FUNDC2: variants seen among roughly 807,000 people sequenced by gnomAD.
FUNDC2 encodes FUN14 domain-containing protein 2.
Under a neutral mutation model 15.6 loss-of-function variants are expected in FUNDC2, and 4 were observed. The observed-to-expected ratio is 0.26, with a 90% confidence interval of 0.13 to 0.59. The LOEUF (loss-of-function observed/expected upper bound fraction) is 0.59. Ranked by LOEUF, FUNDC2 falls within the 20% of genes least tolerant of loss-of-function variation. The pLI, the probability that FUNDC2 is intolerant of heterozygous loss-of-function variation, is 0.90. For synonymous variants in FUNDC2, 44 were observed against 56.9 expected (o/e 0.77, Z 1.02); for missense variants, 98 against 149.7 (o/e 0.65, Z 1.80).
intron 2 of FUNDC2, among the ~76,000 whole-genome samples, chrX:155,045,270 G>C (rs1339912374): frequency 8.9e-6 from 1 of 111,789 alleles, no homozygotes; most frequent in African/African-American, 3.3e-5. Flanking sequence ...GGAGCAAGTC[G>C]AGAGATCCAA....
At chrX:155,040,159 G>A (rs1230795263) in intron 2 of FUNDC2, among the ~76,000 whole-genome samples, 2 of 111,517 alleles carry the variant, frequency 1.8e-5, no homozygotes, top group Admixed American at 1.9e-4. Context: ...GTATTTAATC[G>A]TACATATATA....
intron 2 of FUNDC2, among the ~76,000 whole-genome samples, chrX:155,041,019 G>A (rs1280739229): frequency 1.8e-5 from 2 of 111,780 alleles, no homozygotes; most frequent in Non-Finnish European, 3.8e-5. Flanking sequence ...TTTTGATGAA[G>A]TCCAATTTAT....
chrX:155,032,009 CTT>C (rs781974695), intron 1 of FUNDC2, among the ~76,000 whole-genome samples: 11 of 106,584 alleles, frequency 1.0e-4, no homozygotes, highest in African/African-American at 3.8e-4. Flanking sequence ...GAGTTTCACT[CTT>C]GTTGCCCAGG....
At chrX:155,054,516 C>A in intron 4 of FUNDC2, 79 bp from the exon 5 acceptor site, 2 of 1,189,525 alleles carry the variant, frequency 1.7e-6, no homozygotes, top group Non-Finnish European at 2.3e-6. Context: ...TTAAGACTGG[C>A]ATAGGTATAA....
At chrX:155,032,262 C>T (rs1557288810) in intron 1 of FUNDC2, among the ~76,000 whole-genome samples, 1 of 107,855 alleles carries the variant, frequency 9.3e-6, no homozygotes, top group African/African-American at 3.4e-5. Flanking sequence ...AGGCGTGAGC[C>T]ACCACGCCTG....
At position 155,030,871 on chromosome X, in the gene FUNDC2, G is replaced by C. The variant is rs781934783; in HGVS notation, c.134-2532G>C. 7.5e-3 allele frequency among the ~76,000 whole-genome samples: 818 copies of C among 109,268 alleles called. 10 individuals carry two copies. The highest frequency in any genetic ancestry group is 0.025 in the African/African-American group (748 of 30,010). 94.9% of individuals were successfully genotyped at this position (109,268 alleles called of 115,157 possible). ...CGGCTAATTTTTGGTATTTTTAGTA[G>C]AGACGGGGTTTTACCATGTTGGCCA... On this transcript the variant is annotated intron_variant, in intron 1 of 4. Transcript: ENST00000369498.
In FUNDC2 at chrX:155,026,925, C is replaced by T; in HGVS notation, c.-14C>T. 3 of 1,180,544 alleles carry T rather than the reference C, an allele frequency of 2.5e-6. No individual in the cohort carries two copies. The highest frequency in any genetic ancestry group is 3.4e-6 in the Non-Finnish European group (3 of 882,109). Reference sequence around the variant, plus strand: ...GGCGCGCCCGGCCCTCCCTCTTCCGCTGCCGCCGTGGGAATGGAAACATCT... The same window carrying T: ...GGCGCGCCCGGCCCTCCCTCTTCCGTTGCCGCCGTGGGAATGGAAACATCT... On this transcript the variant is annotated 5_prime_UTR_variant, in exon 1 of 5. Transcript: ENST00000369498.
intron 2 of FUNDC2, among the ~76,000 whole-genome samples, chrX:155,044,657 T>C (rs908856226): frequency 2.7e-5 from 3 of 111,948 alleles, no homozygotes; most frequent in Non-Finnish European, 3.8e-5. Context: ...AAAAGCACAA[T>C]GAGATATCAA....
Position 155,055,875 on chromosome X carries a change from A to G in FUNDC2, c.*1203A>G, listed in dbSNP as rs1603439090. ...CTCAGAATTGTTAATCTTGGAGATG[A>G]TCTCTTGTGAAATATGAGTGTGTTT... On this transcript the variant is annotated 3_prime_UTR_variant, in exon 5 of 5. Coordinates refer to ENST00000369498, the MANE Select transcript of FUNDC2 (RefSeq NM_023934.4). 1 of 112,222 alleles carries G rather than the reference A, an allele frequency of 8.9e-6. No individual in the cohort carries two copies. Among genetic ancestry groups the G allele is most frequent in the African/African-American group, 3.2e-5 (1 of 30,874 alleles). 9.2% of individuals were successfully genotyped at this position (112,222 alleles called of 1,213,427 possible). A position where few individuals can be genotyped will look rare whatever the true frequency, so the allele number is the denominator to read the frequency against.
Position 155,058,403 on chromosome X carries a change from G to C in FUNDC2, c.*3731G>C, listed in dbSNP as rs149078749. ...AAAGATGGGCATAACTAATGGTTGG[G>C]CTCTTATTTGGAACCTCTACTTTTG... On this transcript the variant is annotated 3_prime_UTR_variant, in exon 5 of 5. Coordinates refer to ENST00000369498, the MANE Select transcript of FUNDC2 (RefSeq NM_023934.4). 1 of 111,435 alleles carries C rather than the reference G, an allele frequency of 9.0e-6. No individual in the cohort carries two copies. The highest frequency in any genetic ancestry group is 1.9e-5 in the Non-Finnish European group (1 of 53,083). The allele number at this position is 111,435 out of a possible 1,213,427, so 9.2% of individuals were successfully genotyped here.
At position 155,059,289 on chromosome X, in the gene FUNDC2, G is replaced by T. The variant is rs1014215732; in HGVS notation, c.*4617G>T. The T allele has an allele frequency of 6.2e-5, 7 of 112,218 alleles. No homozygotes were observed. Among genetic ancestry groups the T allele is most frequent in the African/African-American group, 2.3e-4 (7 of 30,832 alleles). 9.2% of individuals were successfully genotyped at this position (112,218 alleles called of 1,213,427 possible). A position where few individuals can be genotyped will look rare whatever the true frequency, so the allele number is the denominator to read the frequency against. ...TAGTTCATTAAATGTCTTAGGAATCGTGTGGAGTGAATGCAAGGAAAGGAG... is the reference window on the plus strand; with the variant it reads ...TAGTTCATTAAATGTCTTAGGAATCTTGTGGAGTGAATGCAAGGAAAGGAG... On this transcript the variant is annotated 3_prime_UTR_variant, in exon 5 of 5. Transcript: ENST00000369498.
chrX:155,036,234 G>A (rs1023496612), intron 2 of FUNDC2, among the ~76,000 whole-genome samples: 2 of 112,078 alleles, frequency 1.8e-5, no homozygotes, highest in African/African-American at 6.5e-5. Context: ...TCTCATTGTG[G>A]TTTGAATTTG....
Position 155,058,855 on chromosome X carries a change from CA to C in FUNDC2, c.*4184del, listed in dbSNP as rs1205546623. 9.0e-6 allele frequency: 1 copy of C among 110,735 alleles called. No individual in the cohort carries two copies. The highest frequency in any genetic ancestry group is 1.9e-5 in the Non-Finnish European group (1 of 52,890). 9.1% of individuals were successfully genotyped at this position (110,735 alleles called of 1,213,427 possible). A position where few individuals can be genotyped will look rare whatever the true frequency, so the allele number is the denominator to read the frequency against. Reference sequence around the variant, plus strand: ...TTAAAAGAAAAGTGTCGCACTTTTTCACATTTTTATAAAGCTTTAAAGTCAG... The same window carrying C: ...TTAAAAGAAAAGTGTCGCACTTTTTCCATTTTTATAAAGCTTTAAAGTCAG... On this transcript the variant is annotated 3_prime_UTR_variant, in exon 5 of 5. Coordinates refer to ENST00000369498, the MANE Select transcript of FUNDC2 (RefSeq NM_023934.4).
chrX:155,028,077 A>T (rs980690920), intron 1 of FUNDC2, among the ~76,000 whole-genome samples: 10 of 112,346 alleles, frequency 8.9e-5, no homozygotes, highest in Admixed American at 8.4e-4. Context: ...ATAAGAGCAG[A>T]CTGCTCTTAT....
chrX:155,048,090 T>C (rs782067979), intron 3 of FUNDC2, among the ~76,000 whole-genome samples: 1 of 111,927 alleles, frequency 8.9e-6, no homozygotes, highest in East Asian at 2.8e-4. Flanking sequence ...TTAATTTGAG[T>C]GTGTCCTCTG....
Position 155,057,049 on chromosome X carries a change from ATGAGAACGGCT to A in FUNDC2, c.*2378_*2388del, listed in dbSNP as rs2073907361. On this transcript the variant is annotated 3_prime_UTR_variant, in exon 5 of 5. Coordinates refer to ENST00000369498, the MANE Select transcript of FUNDC2 (RefSeq NM_023934.4). Reference sequence around the variant, plus strand: ...TGCAGGTTGGCCTCATCCTGCTAGTATGAGAACGGCTGTGAGTTCTGCCCACGGTGTGAGGC... The same window carrying A: ...TGCAGGTTGGCCTCATCCTGCTAGTAGTGAGTTCTGCCCACGGTGTGAGGC... 1.0e-5 allele frequency: 1 copy of A among 96,906 alleles called. No individual in the cohort carries two copies. The highest frequency in any genetic ancestry group is 2.2e-5 in the Non-Finnish European group (1 of 44,832). The allele number at this position is 96,906 out of a possible 1,213,427, so 8.0% of individuals were successfully genotyped here.
intron 2 of FUNDC2, among the ~76,000 whole-genome samples, chrX:155,035,741 G>C (rs1285813402): frequency 8.9e-6 from 1 of 112,279 alleles, no homozygotes; most frequent in East Asian, 2.8e-4. Context: ...GGAGTGCAGT[G>C]GCACGATCTT....
At position 155,046,669 on chromosome X, in the gene FUNDC2, GGCTATGTCACACTAGACTAGCCTTA is replaced by G. The variant is rs2073863742; in HGVS notation, c.360+88_360+112del. ...GTGTGGGGAGTTGTAATACAGTCCT[GGCTATGTCACACTAGACTAGCCTTA>G]GCACTTGTTTTCATGTACTATTTTA... On this transcript the variant is annotated intron_variant, in intron 3 of 4. Transcript: ENST00000369498. The G allele has an allele frequency of 2.0e-5, 15 of 744,726 alleles. No homozygotes were observed. In the East Asian group the frequency reaches 4.8e-4, roughly 24 times the overall value. 61.4% of individuals were successfully genotyped at this position (744,726 alleles called of 1,213,427 possible).
At chrX:155,038,975 A>G (rs782350444) in intron 2 of FUNDC2, among the ~76,000 whole-genome samples, 16 of 112,328 alleles carry the variant, frequency 1.4e-4, no homozygotes, top group Non-Finnish European at 2.8e-4. Flanking sequence ...CCAACAGTGT[A>G]CAAAGATTTC....
Sources: allele counts gnomAD v4.1 joint callset (sites outside exome capture counted in the v4.1 genomes callset), GRCh38; gene constraint gnomAD v4.1.1; transcripts MANE v1.5; gene names NCBI Gene and HGNC (gene_info 2026-07-23, HGNC 2026-07-21).